SHROOM3: variants seen among roughly 807,000 people sequenced by gnomAD.
The protein encoded by SHROOM3 is protein Shroom3.
In SHROOM3, 47 loss-of-function variants were observed where a neutral mutation model predicts 138.6. That is an observed-to-expected ratio of 0.34 (90% CI 0.27 to 0.43). The LOEUF is 0.43. Ranked by LOEUF, SHROOM3 falls within the 20% of genes least tolerant of loss-of-function variation. SHROOM3 has a pLI of 1.00. For synonymous variants in SHROOM3, 1,062 were observed against 1,063.3 expected, an observed-to-expected ratio of 1.00 and a Z score of 0.02; for missense variants, 2,491 against 2,596.5, an observed-to-expected ratio of 0.96 and a Z score of 0.88.
rs145112769 is a variant in SHROOM3 at position 76,730,904 on chromosome 4, G to T, written c.556G>T (p.Gly186Cys). ...GATGCAGATATCTCAGGGTATGATC[G>T]GCCCTCCTTGGCACCAAAGCTACCA... ...SMMQISQGMI[G>C]PPWHQSYHSS... The change falls in exon 4 of 11, where the codon GGC becomes TGC. Residue 186 changes from glycine (G) to cysteine (C), a missense_variant. Around this residue, in one of 4 missense-constraint regions of SHROOM3, gnomAD observed 284 missense variants for 322.8 expected, o/e 0.88. Coordinates refer to ENST00000296043, the MANE Select transcript of SHROOM3 (RefSeq NM_020859.4). 5 of 1,613,972 alleles carry T rather than the reference G, an allele frequency of 3.1e-6. No homozygotes were observed. Among genetic ancestry groups the T allele is most frequent in the Non-Finnish European group, 4.2e-6 (5 of 1,180,038 alleles).
At chr4:76,499,923 T>C (rs982087666) in intron 1 of SHROOM3, among the ~76,000 whole-genome samples, 2 of 152,224 alleles carry the variant, frequency 1.3e-5, no homozygotes, top group African/African-American at 4.8e-5. Flanking sequence ...AAATGATAGC[T>C]ACCACTTACG....
chr4:76,704,568 T>C (rs982461770), intron 2 of SHROOM3, among the ~76,000 whole-genome samples: 22 of 152,188 alleles, frequency 1.4e-4, no homozygotes, highest in Admixed American at 1.4e-3. Context: ...GCAAAGAGCT[T>C]GGCAAGTTTG....
At chr4:76,727,240 C>T (rs918974055) in intron 3 of SHROOM3, among the ~76,000 whole-genome samples, 1 of 152,074 alleles carries the variant, frequency 6.6e-6, no homozygotes, top group African/African-American at 2.4e-5. Context: ...TTTATTTTTT[C>T]TTTGAGGCTG....
At chr4:76,500,193 G>A (rs1732061177) in intron 1 of SHROOM3, among the ~76,000 whole-genome samples, 2 of 152,016 alleles carry the variant, frequency 1.3e-5, no homozygotes, top group African/African-American at 4.8e-5. Flanking sequence ...CCTGCTGCTC[G>A]GGGACCCAGG....
At chr4:76,677,538 T>C (rs1484865785) in intron 2 of SHROOM3, among the ~76,000 whole-genome samples, 3 of 152,182 alleles carry the variant, frequency 2.0e-5, no homozygotes, top group Admixed American at 6.5e-5. Context: ...ACAAAATACA[T>C]GGTGGCTGCT....
At chr4:76,629,697 C>T (rs1050575892) in intron 2 of SHROOM3, among the ~76,000 whole-genome samples, 3 of 152,150 alleles carry the variant, frequency 2.0e-5, no homozygotes, top group African/African-American at 2.4e-5. Context: ...CTGGAATGCT[C>T]AATGTGGGGT....
At chr4:76,551,756 G>A (rs1442505551) in intron 1 of SHROOM3, among the ~76,000 whole-genome samples, 2 of 152,112 alleles carry the variant, frequency 1.3e-5, no homozygotes, top group African/African-American at 4.8e-5. Context: ...TGTAACCACA[G>A]CAGCAAGTTC....
intron 3 of SHROOM3, among the ~76,000 whole-genome samples, chr4:76,726,238 TC>T (rs1229623044): frequency 3.3e-5 from 5 of 150,732 alleles, no homozygotes; most frequent in African/African-American, 1.2e-4. Flanking sequence ...GTTTTCCTCC[TC>T]CTTCTGTGGA....
At chr4:76,645,987 A>G (rs1735804905) in intron 2 of SHROOM3, among the ~76,000 whole-genome samples, 1 of 151,988 alleles carries the variant, frequency 6.6e-6, no homozygotes, top group South Asian at 2.1e-4. Context: ...ACAGTCCCCC[A>G]AAGTGGGCAA....
chr4:76,521,318 A>G (rs1015946588), intron 1 of SHROOM3, among the ~76,000 whole-genome samples: 1 of 152,204 alleles, frequency 6.6e-6, no homozygotes, highest in African/African-American at 2.4e-5. Context: ...GTGTGTGCAC[A>G]CATGTGTGTT....
chr4:76,598,727 T>A (rs1734441932), intron 2 of SHROOM3, among the ~76,000 whole-genome samples: 1 of 152,220 alleles, frequency 6.6e-6, no homozygotes, highest in African/African-American at 2.4e-5. Flanking sequence ...TAGCCCTGTC[T>A]GAGTGTATTT....
chr4:76,681,317 T>A (rs1397382952), intron 2 of SHROOM3, among the ~76,000 whole-genome samples: 1 of 152,214 alleles, frequency 6.6e-6, no homozygotes, highest in Non-Finnish European at 1.5e-5. Flanking sequence ...TACCAACACA[T>A]AGAACTATTT....
At chr4:76,601,671 T>G (rs896703200) in intron 2 of SHROOM3, among the ~76,000 whole-genome samples, 5 of 135,638 alleles carry the variant, frequency 3.7e-5, no homozygotes, top group Non-Finnish European at 5.2e-5. Flanking sequence ...CCCAGCTAAT[T>G]TTTTGTATTT....
chr4:76,515,636 C>A (rs1459985823), intron 1 of SHROOM3, among the ~76,000 whole-genome samples: 2 of 152,090 alleles, frequency 1.3e-5, no homozygotes, highest in Non-Finnish European at 2.9e-5. Flanking sequence ...TCCAATAGAG[C>A]AGAGGATATG....
chr4:76,524,439 A>G (rs1732636974), intron 1 of SHROOM3, among the ~76,000 whole-genome samples: 1 of 152,160 alleles, frequency 6.6e-6, no homozygotes, highest in African/African-American at 2.4e-5. Flanking sequence ...TGGACAGGAG[A>G]AAGGAAGAGA....
At chr4:76,473,472 G>T (rs1418140916) in intron 1 of SHROOM3, among the ~76,000 whole-genome samples, 1 of 151,972 alleles carries the variant, frequency 6.6e-6, no homozygotes, top group East Asian at 1.9e-4. Flanking sequence ...AGCTGGACAT[G>T]GTGGCATGTA....
rs1487070999 is a variant in SHROOM3 at position 76,741,885 on chromosome 4, G to T, written c.3712G>T (p.Val1238Leu). Reference protein sequence around the residue: ...RSDVLAGPVHVRSRSSPATAD... With the variant: ...RSDVLAGPVHLRSRSSPATAD... The stretch of plus-strand genomic sequence containing the variant: ...GGACGTCCTTGCGGGCCCTGTCCAT[G>T]TGAGGTCCAGGTCATCTCCCGCCAC... The change falls in exon 5 of 11, where the codon GTG (valine) becomes TTG (leucine). Residue 1238 changes from valine (V) to leucine (L), a missense_variant. By Grantham distance (32) the Val-to-Leu change is conservative. Transcript: ENST00000296043. This position sits in a 1 kb window ranked among gnomAD's most constrained non-coding sequence, Gnocchi z 6.2. 1 of 1,612,234 alleles carries T rather than the reference G, an allele frequency of 6.2e-7. No individual in the cohort carries two copies. The highest frequency in any genetic ancestry group is 1.3e-5 in the African/African-American group (1 of 74,938).
chr4:76,447,060 A>G (rs1388776467), intron 1 of SHROOM3, among the ~76,000 whole-genome samples: 1 of 152,126 alleles, frequency 6.6e-6, no homozygotes, highest in Non-Finnish European at 1.5e-5. Flanking sequence ...TTACCCTCAA[A>G]GCCATTGCTA....
chr4:76,776,069 T>C lies in SHROOM3; in HGVS notation c.5623-2740T>C, dbSNP rs189075295. 4.7e-4 allele frequency among the ~76,000 whole-genome samples: 71 copies of C among 152,252 alleles called. No homozygotes were observed. In the South Asian group the frequency reaches 7.7e-3, roughly 16 times the overall value. ...ATCTCCATACTGTTTTCCATAGTGG[T>C]TGTGCTAGTTTACATCCCCACCAGC... On this transcript the variant is annotated intron_variant, in intron 10 of 10. Coordinates refer to ENST00000296043, the MANE Select transcript of SHROOM3 (RefSeq NM_020859.4).
Sources: gnomAD v4.1 joint callset for allele counts (sites outside exome capture counted in the v4.1 genomes callset) on GRCh38, gnomAD v4.1.1 for gene constraint, gnomAD v4.1.1 regional missense constraint, Gnocchi (gnomAD v3.1) non-coding constraint, MANE v1.5 for transcripts, NCBI Gene and HGNC (gene_info 2026-07-23, HGNC 2026-07-21) for gene names.